The following SZT2 variants were observed in gnomAD, a reference collection of about 807,000 sequenced individuals.
The protein encoded by SZT2 is KICSTOR complex protein SZT2.
In SZT2, 216 loss-of-function variants were observed where a neutral mutation model predicts 404.2. The ratio of observed to expected loss-of-function variants is 0.53; its 90% confidence interval spans 0.48 to 0.60. SZT2 has a LOEUF of 0.60. Among genes scored for constraint, SZT2 ranks in the 20% least tolerant of loss-of-function variants. SZT2 has a pLI of 0.00. For synonymous variants in SZT2, 1,693 were observed against 1,749.9 expected (o/e 0.97, Z 0.81); for missense variants, 3,857 against 4,459.2 (o/e 0.86, Z 3.85).
intron 4 of SZT2, among the ~76,000 whole-genome samples, chr1:43,414,751 A>C (rs953415714): frequency 2.6e-5 from 4 of 152,264 alleles, no homozygotes; most frequent in African/African-American, 9.6e-5. Context: ...GGGGCAGCTC[A>C]TAAGACATCC....
chr1:43,411,739 C>G lies in SZT2; in HGVS notation c.499-3343C>G, dbSNP rs1570592058. ...AAACAAAAGCAAAATCACCTGCCCA[C>G]AAGATAGAGCAGAAAAGTTCATCCA... On this transcript the variant is annotated intron_variant, in intron 4 of 71. Transcript: ENST00000634258. Among the ~76,000 whole-genome samples the G allele has an allele frequency of 2.1e-5, 3 of 140,482 alleles. No homozygotes were observed. In the Admixed American group the frequency reaches 2.2e-4, roughly 10 times the overall value. 92.2% of individuals were successfully genotyped at this position (140,482 alleles called of 152,430 possible). A position where few individuals can be genotyped will look rare whatever the true frequency, so the allele number is the denominator to read the frequency against.
intron 40 of SZT2, among the ~76,000 whole-genome samples, chr1:43,433,643 G>A (rs138308465): frequency 5.9e-5 from 9 of 152,274 alleles, no homozygotes; most frequent in Admixed American, 2.0e-4. Flanking sequence ...TTAGTTGGGC[G>A]TGGTGGCAGG....
rs1247838276 is a variant in SZT2 at position 43,439,777 on chromosome 1, A to G, written c.7042+8A>G. 2 of 1,578,604 alleles carry G rather than the reference A, an allele frequency of 1.3e-6. No individual in the cohort carries two copies. Among genetic ancestry groups the G allele is most frequent in the South Asian group, 1.2e-5 (1 of 85,236 alleles). ...TTGTGGACAGTTCTTCAGGTGGGAC[A>G]GCTTGGTCAGAGGATGAGGTGTTCA... is the stretch of plus-strand genomic sequence containing the variant. On this transcript the variant is annotated splice_region_variant and intron_variant, in intron 50 of 71. Transcript: ENST00000634258. This position sits in a 1 kb window ranked among gnomAD's most constrained non-coding sequence, Gnocchi z 4.2.
intron 7 of SZT2, 134 bp downstream of exon 7, chr1:43,416,775 A>G (rs1021089317): frequency 1.5e-6 from 1 of 688,850 alleles, no homozygotes; most frequent in Non-Finnish European, 2.5e-6. Context: ...AAGGAGTCAT[A>G]TCTAGAAGGT....
chr1:43,453,643 C>A lies in SZT2; in HGVS notation c.*3163C>A. On this transcript the variant is annotated 3_prime_UTR_variant, in exon 72 of 72. Coordinates refer to ENST00000634258, the MANE Select transcript of SZT2 (RefSeq NM_001365999.1). The stretch of plus-strand genomic sequence containing the variant: ...AGCCGCAGCCCCGCTTCTCGCGCGG[C>A]GCGCGCCAGCGCCTCAGGCGTCTCC... 2 of 1,490,000 alleles carry A rather than the reference C, an allele frequency of 1.3e-6. No homozygotes were observed. The highest frequency in any genetic ancestry group is 8.9e-7 in the Non-Finnish European group (1 of 1,127,298). 92.3% of individuals were successfully genotyped at this position (1,490,000 alleles called of 1,614,324 possible). A position where few individuals can be genotyped will look rare whatever the true frequency, so the allele number is the denominator to read the frequency against.
At chr1:43,433,315 C>A in intron 40 of SZT2, 125 bp downstream of exon 40, 1 of 980,618 alleles carries the variant, frequency 1.0e-6, no homozygotes, top group Non-Finnish European at 1.5e-6. Flanking sequence ...AGAGATCCAA[C>A]TTGTATTCTT....
rs548883954 is a variant in SZT2, at chr1:43,402,991, A to G, written c.28-186A>G. Among the ~76,000 whole-genome samples the G allele has an allele frequency of 2.0e-5, 3 of 152,296 alleles. No homozygotes were observed. In the South Asian group the frequency reaches 6.2e-4, roughly 32 times the overall value. ...TGGAGGTCTGTATCGGGCAAACAGG[A>G]ACAGAGAGTTGAGAATTGACTCCCT... On this transcript the variant is annotated intron_variant, in intron 1 of 71. Coordinates refer to ENST00000634258, the MANE Select transcript of SZT2 (RefSeq NM_001365999.1).
rs537872358 is a variant in SZT2, at chr1:43,427,518, T to C, written c.3599-12T>C. On this transcript the variant is annotated splice_polypyrimidine_tract_variant and intron_variant, in intron 25 of 71. Transcript: ENST00000634258. ...TAGAGCTGGAAGACCACGTGACACC[T>C]TTTCTTCACAGACAATGCCCAGAAT... is the stretch of plus-strand genomic sequence containing the variant. 1.2e-6 allele frequency: 2 copies of C among 1,614,122 alleles called. No individual in the cohort carries two copies. Among genetic ancestry groups the C allele is most frequent in the African/African-American group, 2.7e-5 (2 of 75,054 alleles).
At position 43,451,279 on chromosome 1, in the gene SZT2, A is replaced by G. The variant is rs1231809578; in HGVS notation, c.*799A>G. The G allele has an allele frequency of 1.2e-6, 2 of 1,613,998 alleles. No individual in the cohort carries two copies. Among genetic ancestry groups the G allele is most frequent in the Admixed American group, 3.3e-5 (2 of 60,032 alleles). On this transcript the variant is annotated 3_prime_UTR_variant, in exon 72 of 72. Coordinates refer to ENST00000634258, the MANE Select transcript of SZT2 (RefSeq NM_001365999.1). Reference sequence around the variant, plus strand: ...GGGTGGCCCCGCCTATCCCAGTATGAACGTAGCCAACTCAAGCCCTCTACT... The same window carrying G: ...GGGTGGCCCCGCCTATCCCAGTATGGACGTAGCCAACTCAAGCCCTCTACT...
intron 4 of SZT2, among the ~76,000 whole-genome samples, chr1:43,413,811 G>A (rs1288188483): frequency 6.6e-6 from 1 of 152,224 alleles, no homozygotes; most frequent in Non-Finnish European, 1.5e-5. Flanking sequence ...GGGAAGGGTA[G>A]CTGGGGGAGG....
At chr1:43,449,804 G>C (rs148088762) in intron 70 of SZT2, 1 of 501,914 alleles carries the variant, frequency 2.0e-6, no homozygotes, top group African/African-American at 1.9e-5. Flanking sequence ...AGGAGGCAAG[G>C]AGGTTGTGCC....
chr1:43,424,788 C>A lies in SZT2; in HGVS notation c.2476C>A (p.Arg826=). The change falls in exon 17 of 72, where the codon CGA becomes AGA. Residue 826 remains arginine, a synonymous_variant. Coordinates refer to ENST00000634258, the MANE Select transcript of SZT2 (RefSeq NM_001365999.1). This position sits in a 1 kb window ranked among gnomAD's most constrained non-coding sequence, Gnocchi z 4.1. The part of the protein sequence containing the change: ...AQLLSILTEV[R]LSEGFHFACS... ...CCGGCCTTTATGGGGCTTCAGAGTC[C>A]GACTTTCTGAAGGATTCCACTTCGC... The A allele has an allele frequency of 6.2e-7, 1 of 1,613,874 alleles. No individual in the cohort carries two copies. The highest frequency in any genetic ancestry group is 1.1e-5 in the South Asian group (1 of 91,066).
Position 43,424,879 on chromosome 1 carries a change from A to G in SZT2, c.2550+17A>G. ...CCAATTCAGGTACGTGCCATCCCCCATGACACCTCCCTGCCAAGGTCTGTC... is the reference window on the plus strand; with the variant it reads ...CCAATTCAGGTACGTGCCATCCCCCGTGACACCTCCCTGCCAAGGTCTGTC... On this transcript the variant is annotated intron_variant, in intron 17 of 71. Coordinates refer to ENST00000634258, the MANE Select transcript of SZT2 (RefSeq NM_001365999.1). This position sits in a 1 kb window ranked among gnomAD's most constrained non-coding sequence, Gnocchi z 4.1. 4 of 1,611,938 alleles carry G rather than the reference A, an allele frequency of 2.5e-6. No individual in the cohort carries two copies. Among genetic ancestry groups the G allele is most frequent in the East Asian group, 2.2e-5 (1 of 44,860 alleles).
rs572023646 is a variant in SZT2, at chr1:43,442,433, G to A, written c.7975-9G>A. 6.2e-6 allele frequency: 10 copies of A among 1,612,248 alleles called. No homozygotes were observed. In the East Asian group the frequency reaches 8.9e-5, roughly 14 times the overall value. ...CGTGATCTCACTGACCCTGACCCCC[G>A]ACCTCCAGCTACAGCTGCTGACCTA... On this transcript the variant is annotated splice_polypyrimidine_tract_variant and intron_variant, in intron 57 of 71. Coordinates refer to ENST00000634258, the MANE Select transcript of SZT2 (RefSeq NM_001365999.1). The surrounding 1 kb of genome is among the most constrained non-coding windows in gnomAD (Gnocchi z 4.5).
intron 4 of SZT2, among the ~76,000 whole-genome samples, chr1:43,413,471 A>G (rs1651317957): frequency 6.6e-6 from 1 of 152,248 alleles, no homozygotes; most frequent in Non-Finnish European, 1.5e-5. Context: ...AAAAGAAAGG[A>G]AATCAGTATA....
At chr1:43,405,076 T>C (rs1650140975) in intron 4 of SZT2, 1 of 152,694 alleles carries the variant, frequency 6.5e-6, no homozygotes, top group Non-Finnish European at 1.5e-5. Flanking sequence ...CAATCTTGGC[T>C]CACTGCAACC....
At position 43,452,945 on chromosome 1, in the gene SZT2, C is replaced by G; in HGVS notation, c.*2465C>G. ...CGCTGCCAAATACACCAGGCCTCCT[C>G]TTGCCACAGCACCCTTGCAAGGAAC... On this transcript the variant is annotated 3_prime_UTR_variant, in exon 72 of 72. Coordinates refer to ENST00000634258, the MANE Select transcript of SZT2 (RefSeq NM_001365999.1). 6.2e-7 allele frequency: 1 copy of G among 1,609,452 alleles called. No homozygotes were observed. The highest frequency in any genetic ancestry group is 8.5e-7 in the Non-Finnish European group (1 of 1,178,556).
At chr1:43,433,284 C>T (rs1282833792) in intron 40 of SZT2, 94 bp downstream of exon 40, 2 of 1,383,512 alleles carry the variant, frequency 1.4e-6, no homozygotes, top group African/African-American at 2.8e-5. Context: ...AGAAGTAAGA[C>T]TTGGGACTGA....
rs770980964 is a variant in SZT2, at chr1:43,452,860, C to A, written c.*2380C>A. ...CCCTGATCTTAGCCACATCCAGCTC[C>A]AAGCAGACATTCCAGGCCTCCCCAT... On this transcript the variant is annotated 3_prime_UTR_variant, in exon 72 of 72. Transcript: ENST00000634258. The A allele has an allele frequency of 3.8e-6, 6 of 1,561,786 alleles. No individual in the cohort carries two copies. In the East Asian group the frequency reaches 1.4e-4, roughly 37 times the overall value.
Sources: allele counts gnomAD v4.1 joint callset (sites outside exome capture counted in the v4.1 genomes callset), GRCh38; gene constraint gnomAD v4.1.1; non-coding constraint Gnocchi (gnomAD v3.1); transcripts MANE v1.5; gene names NCBI Gene and HGNC (gene_info 2026-07-23, HGNC 2026-07-21).